The following NOC3L variants were observed in gnomAD, a reference collection of about 807,000 sequenced individuals.
NOC3L encodes the protein nucleolar complex protein 3 homolog.
NOC3L carries 85 observed loss-of-function variants against 102.5 expected under a neutral mutation model. That is an observed-to-expected ratio of 0.83 (90% CI 0.70 to 0.99). NOC3L has a LOEUF of 0.99. NOC3L is among the 50% of genes least tolerant of loss of function. The pLI is 0.00. For synonymous variants in NOC3L, 303 were observed against 309.4 expected (o/e 0.98, Z 0.22); for missense variants, 878 against 914.9 (o/e 0.96, Z 0.52).
At chr10:94,356,474 C>T in intron 5 of NOC3L, 61 bp downstream of exon 5, 6 of 987,862 alleles carry the variant, frequency 6.1e-6, no homozygotes, top group Non-Finnish European at 9.7e-6. Context: ...AATTAACTCA[C>T]ATTTACTATT....
chr10:94,343,894 T>C (rs2054313783), intron 13 of NOC3L, among the ~76,000 whole-genome samples: 1 of 152,250 alleles, frequency 6.6e-6, no homozygotes, highest in Non-Finnish European at 1.5e-5. Context: ...TTTTACCGAA[T>C]AGCAATGTTC....
chr10:94,337,555 T>C (rs575979852), intron 19 of NOC3L, among the ~76,000 whole-genome samples: 27 of 152,134 alleles, frequency 1.8e-4, no homozygotes, highest in African/African-American at 5.8e-4. Context: ...AAAATGTTTT[T>C]CAAGTTGAAT....
chr10:94,350,231 C>A lies in NOC3L; in HGVS notation c.1010G>T (p.Gly337Val). The A allele has an allele frequency of 6.2e-7, 1 of 1,614,176 alleles. No individual in the cohort carries two copies. Among genetic ancestry groups the A allele is most frequent in the Non-Finnish European group, 8.5e-7 (1 of 1,180,018 alleles). ...GCTCTTCACAGCGACTTCTGCCAGTCCTTTGTATGCCTTTAAGGAAACTAC... is the reference window on the plus strand; with the variant it reads ...GCTCTTCACAGCGACTTCTGCCAGTACTTTGTATGCCTTTAAGGAAACTAC... ...SNVVSLKAYK[G>V]LAEVAVKSLC... The change falls in exon 9 of 21, where the codon GGA becomes GTA. Residue 337 changes from glycine (G) to valine (V), a missense_variant. Physicochemically the swap from Gly to Val is moderately radical, Grantham distance 109. Transcript: ENST00000371361.
chr10:94,328,393 T>G (rs956972625), downstream of NOC3L: 1 of 153,006 alleles, frequency 6.5e-6, no homozygotes, highest in African/African-American at 2.4e-5. Context: ...GACACTGAAA[T>G]TGGAATTTCA....
intron 17 of NOC3L, 26 bp from the exon 18 acceptor site, chr10:94,338,762 T>G: frequency 6.2e-7 from 1 of 1,601,962 alleles, no homozygotes; most frequent in Non-Finnish European, 8.5e-7. Flanking sequence ...ATAAAAAGAA[T>G]TGGTTAAATT....
intron 8 of NOC3L, among the ~76,000 whole-genome samples, chr10:94,350,863 C>G (rs1168017882): frequency 6.6e-6 from 1 of 151,768 alleles, no homozygotes; most frequent in Non-Finnish European, 1.5e-5. Context: ...AAGATATACT[C>G]TAAGTATAAA....
intron 6 of NOC3L, 22 bp from the exon 7 acceptor site, chr10:94,353,079 A>C (rs373909473): frequency 1.3e-5 from 21 of 1,568,510 alleles, no homozygotes; most frequent in Non-Finnish European, 1.8e-5. Flanking sequence ...ATAGCTTATA[A>C]AGCTGGAGAA....
chr10:94,333,547 CAT>C lies in NOC3L; in HGVS notation c.*628_*629del, dbSNP rs1564906652. The C allele has an allele frequency of 6.6e-6, 1 of 152,080 alleles. No individual in the cohort carries two copies. Among genetic ancestry groups the C allele is most frequent in the Non-Finnish European group, 1.5e-5 (1 of 68,016 alleles). 9.4% of individuals were successfully genotyped at this position (152,080 alleles called of 1,614,324 possible). ...CGTGAAGAACTTTAGAGACTAGAAT[CAT>C]ATTCAAACTTTCCTTGAAAGTAGCT... is the stretch of plus-strand genomic sequence containing the variant. On this transcript the variant is annotated 3_prime_UTR_variant, in exon 21 of 21. Coordinates refer to ENST00000371361, the MANE Select transcript of NOC3L (RefSeq NM_022451.11).
chr10:94,361,749 C>G lies in NOC3L; in HGVS notation c.133G>C (p.Glu45Gln), dbSNP rs1290695412. Residue 45 changes from glutamate to glutamine, a missense_variant, in exon 2 of 21, where the codon GAA (glutamate) becomes CAA (glutamine). Coordinates refer to ENST00000371361, the MANE Select transcript of NOC3L (RefSeq NM_022451.11). ...QQSTLKKYRK[E>Q]QRKLRQAVKD... ...ACAGCTTGCCTTAGTTTCCTCTGTT[C>G]TTTTCGGTACTTCTTGAGAGTGCTT... The G allele has an allele frequency of 2.5e-6, 4 of 1,589,018 alleles. No individual in the cohort carries two copies. The Admixed American group carries it at 6.8e-5, about 27-fold the overall frequency.
intron 11 of NOC3L, among the ~76,000 whole-genome samples, chr10:94,345,961 G>A (rs560096668): frequency 3.9e-5 from 6 of 151,998 alleles, no homozygotes; most frequent in Admixed American, 6.6e-5. Flanking sequence ...TATTAGCCCC[G>A]TTTATCAAAA....
At chr10:94,321,880 A>AT in the NOC3L span, 1 of 1,588,040 alleles carries the variant, frequency 6.3e-7, no homozygotes, top group Admixed American at 1.7e-5. Context: ...ATTTACTCAC[A>AT]TTTTTTCTTT....
chr10:94,327,139 C>T, the NOC3L span, among the ~76,000 whole-genome samples: 1,221 of 152,088 alleles, frequency 8.0e-3, 15 homozygotes, highest in African/African-American at 0.028. Context: ...TCCAGCCTAG[C>T]GACAGAGCGA....
chr10:94,358,360 C>T, intron 2 of NOC3L, 145 bp from the exon 3 acceptor site: 1 of 657,426 alleles, frequency 1.5e-6, no homozygotes, highest in South Asian at 1.9e-5. Context: ...GCTGGGATTA[C>T]AGGGAGTGGG....
chr10:94,322,026 C>T, the NOC3L span: 1 of 1,614,122 alleles, frequency 6.2e-7, no homozygotes, highest in Non-Finnish European at 8.5e-7. Context: ...TCAAAGCACC[C>T]CGCGTCAGCA....
intron 8 of NOC3L, among the ~76,000 whole-genome samples, chr10:94,351,233 C>T (rs2054412653): frequency 6.6e-6 from 1 of 151,156 alleles, no homozygotes. Flanking sequence ...TCCATACTAC[C>T]CACCCCCACC....
chr10:94,344,950 A>G lies in NOC3L; in HGVS notation c.1390-17T>C, dbSNP rs755389909. ...TTTCTTCCACTGAAAATAGATTGAA[A>G]AACAAAAATCTAAGAGCATATACCA... On this transcript the variant is annotated splice_polypyrimidine_tract_variant and intron_variant, in intron 11 of 20. Coordinates refer to ENST00000371361, the MANE Select transcript of NOC3L (RefSeq NM_022451.11). The G allele has an allele frequency of 8.2e-6, 13 of 1,587,730 alleles. 1 individual carries two copies. Among genetic ancestry groups the G allele is most frequent in the African/African-American group, 1.4e-5 (1 of 73,456 alleles).
the NOC3L span, chr10:94,316,502 TA>T: frequency 1.6e-6 from 2 of 1,250,854 alleles, no homozygotes; most frequent in Non-Finnish European, 2.3e-6. Context: ...TGATTTGTTT[TA>T]AGTTTTTGCC....
rs1408223809 is a variant in NOC3L at position 94,338,495 on chromosome 10, C to T, written c.2091+113G>A. On this transcript the variant is annotated intron_variant, in intron 18 of 20. Transcript: ENST00000371361. ...AACACAGGAATTCTAAAAAAGGCAG[C>T]CCCAGAACAAAATATAATTAAGTAC... 5.0e-6 allele frequency: 6 copies of T among 1,209,310 alleles called. No individual in the cohort carries two copies. The Admixed American group carries it at 8.6e-5, about 17-fold the overall frequency. The allele number at this position is 1,209,310 out of a possible 1,614,324, so 74.9% of individuals were successfully genotyped here. A position where few individuals can be genotyped will look rare whatever the true frequency, so the allele number is the denominator to read the frequency against.
intron 9 of NOC3L, among the ~76,000 whole-genome samples, chr10:94,349,732 C>A (rs1449135489): frequency 1.3e-5 from 2 of 151,772 alleles, no homozygotes; most frequent in African/African-American, 4.8e-5. Context: ...AAAAAAATCA[C>A]ATGGTGTATA....
Sources: gnomAD v4.1 joint callset for allele counts (sites outside exome capture counted in the v4.1 genomes callset) on GRCh38, gnomAD v4.1.1 for gene constraint, MANE v1.5 for transcripts, NCBI Gene and HGNC (gene_info 2026-07-23, HGNC 2026-07-21) for gene names.